Variants in KLF7 observed in about 807,000 individuals in gnomAD.
The protein encoded by KLF7 is Krueppel-like factor 7.
KLF7 carries 2 observed loss-of-function variants against 27.3 expected under a neutral mutation model. The observed-to-expected ratio is 0.07, with a 90% CI of 0.03 to 0.23. The LOEUF (loss-of-function observed/expected upper bound fraction) is 0.23, where lower values mean the gene tolerates loss of function less well. Ranked by LOEUF, KLF7 falls within the 10% of genes least tolerant of loss-of-function variation. The pLI is 1.00. For synonymous variants in KLF7, 165 were observed against 162.4 expected (o/e 1.02, Z -0.12); for missense variants, 221 against 394.1 (o/e 0.56, Z 3.72).
At chr2:207,090,120 T>C (rs2076477778) in intron 2 of KLF7, among the ~76,000 whole-genome samples, 1 of 152,174 alleles carries the variant, frequency 6.6e-6, no homozygotes, top group Non-Finnish European at 1.5e-5. Context: ...GCCACTGCTC[T>C]GTAAGACCCA....
chr2:207,150,471 G>T (rs1283717507), intron 1 of KLF7, among the ~76,000 whole-genome samples: 1 of 152,046 alleles, frequency 6.6e-6, no homozygotes, highest in African/African-American at 2.4e-5. Context: ...CCAACAAGAA[G>T]CGATAGTTTA....
At chr2:207,158,491 A>T (rs1261006973) in intron 1 of KLF7, among the ~76,000 whole-genome samples, 1 of 152,212 alleles carries the variant, frequency 6.6e-6, no homozygotes, top group Non-Finnish European at 1.5e-5. Context: ...TGCCAGAAAC[A>T]AAGCAATTTC....
intron 1 of KLF7, among the ~76,000 whole-genome samples, chr2:207,159,478 A>T (rs1192707572): frequency 6.6e-6 from 1 of 152,134 alleles, no homozygotes; most frequent in Non-Finnish European, 1.5e-5. Context: ...GTTTAACTTA[A>T]TTTTGAACAT....
intron 1 of KLF7, among the ~76,000 whole-genome samples, chr2:207,133,702 CA>C (rs911265671): frequency 2.6e-5 from 4 of 152,188 alleles, no homozygotes; most frequent in African/African-American, 4.8e-5. Context: ...CAGTTCAAGG[CA>C]CCAGCTGGCC....
upstream of KLF7, among the ~76,000 whole-genome samples, chr2:207,168,271 T>G (rs1468786757): frequency 1.3e-5 from 2 of 152,204 alleles, no homozygotes; most frequent in African/African-American, 4.8e-5. Context: ...TTAACGTGAG[T>G]TTGAAGATTT....
rs1021943882 is a variant in KLF7, at chr2:207,085,078, C to T, written c.857+3380G>A. Among the ~76,000 whole-genome samples, 3 of 147,912 alleles carry T rather than the reference C, an allele frequency of 2.0e-5. No homozygotes were observed. The Admixed American group carries it at 2.1e-4, about 10-fold the overall frequency. ...TTAGGAGGCTGAGGCAGGAGAATCG[C>T]CTGAACCCCGGAGGCAGAGGTTGCA... On this transcript the variant is annotated intron_variant, in intron 3 of 3. Coordinates refer to ENST00000309446, the MANE Select transcript of KLF7 (RefSeq NM_003709.4).
intron 2 of KLF7, among the ~76,000 whole-genome samples, chr2:207,107,364 C>T (rs1290012101): frequency 6.6e-6 from 1 of 152,162 alleles, no homozygotes; most frequent in Non-Finnish European, 1.5e-5. Flanking sequence ...AGTTCCCCCA[C>T]CCCAATCTTT....
chr2:207,150,526 T>C (rs1244621189), intron 1 of KLF7, among the ~76,000 whole-genome samples: 1 of 152,206 alleles, frequency 6.6e-6, no homozygotes, highest in Admixed American at 6.5e-5. Context: ...AGAAAACAAT[T>C]ACACCGTACA....
chr2:207,118,911 C>G (rs746877512), intron 2 of KLF7, among the ~76,000 whole-genome samples: 1 of 152,084 alleles, frequency 6.6e-6, no homozygotes, highest in East Asian at 1.9e-4. Context: ...TTTTAGCCAC[C>G]TTTTCATTTG....
At chr2:207,089,544 T>C (rs566166493) in intron 2 of KLF7, among the ~76,000 whole-genome samples, 4 of 152,056 alleles carry the variant, frequency 2.6e-5, no homozygotes, top group South Asian at 4.2e-4. Flanking sequence ...AAAAGAAAAA[T>C]AATCTTTGGA....
intron 2 of KLF7, among the ~76,000 whole-genome samples, chr2:207,096,961 C>T (rs1221325773): frequency 6.6e-6 from 1 of 152,172 alleles, no homozygotes; most frequent in Non-Finnish European, 1.5e-5. Flanking sequence ...CCCTAAAGGG[C>T]TTGTTTAAAA....
At chr2:207,122,567 G>A (rs559997631) in intron 2 of KLF7, among the ~76,000 whole-genome samples, 13 of 152,250 alleles carry the variant, frequency 8.5e-5, no homozygotes, top group African/African-American at 3.1e-4. Flanking sequence ...TGGAAAATGA[G>A]GCCTGGTGAG....
chr2:207,098,173 CTTTT>C (rs1382391717), intron 2 of KLF7, among the ~76,000 whole-genome samples: 1 of 151,776 alleles, frequency 6.6e-6, no homozygotes, highest in African/African-American at 2.4e-5. Context: ...TGTTTTTGTT[CTTTT>C]TGTTTTTCAA....
At position 207,076,322 on chromosome 2, in the gene KLF7, G is replaced by A. The variant is rs2105830249; in HGVS notation, c.*4891C>T. The A allele has an allele frequency of 6.6e-6, 1 of 152,240 alleles. No homozygotes were observed. Among genetic ancestry groups the A allele is most frequent in the Non-Finnish European group, 1.5e-5 (1 of 68,012 alleles). 9.4% of individuals were successfully genotyped at this position (152,240 alleles called of 1,614,324 possible). ...CAACCTTCCCTCATGACCACTGAGAGGGAGCCCTGTTTGAAAAGAATATCT... is the reference window on the plus strand; with the variant it reads ...CAACCTTCCCTCATGACCACTGAGAAGGAGCCCTGTTTGAAAAGAATATCT... On this transcript the variant is annotated 3_prime_UTR_variant, in exon 4 of 4. Transcript: ENST00000309446.
rs2078685844 is a variant in KLF7 at position 207,165,685 on chromosome 2, T to C, written c.-117A>G. The C allele has an allele frequency of 7.9e-6, 12 of 1,516,084 alleles. No homozygotes were observed. Among genetic ancestry groups the C allele is most frequent in the Non-Finnish European group, 1.1e-5 (12 of 1,135,362 alleles). 93.9% of individuals were successfully genotyped at this position (1,516,084 alleles called of 1,614,324 possible). A position where few individuals can be genotyped will look rare whatever the true frequency, so the allele number is the denominator to read the frequency against. On this transcript the variant is annotated 5_prime_UTR_variant, in exon 1 of 4. Coordinates refer to ENST00000309446, the MANE Select transcript of KLF7 (RefSeq NM_003709.4). ...GAAGGCAGACATCCAGTGGCCCTTTTGTTTTGTTTTGTTTCAGTCAACTAA... is the reference window on the plus strand; with the variant it reads ...GAAGGCAGACATCCAGTGGCCCTTTCGTTTTGTTTTGTTTCAGTCAACTAA...
chr2:207,133,749 G>A (rs111472597), intron 1 of KLF7, among the ~76,000 whole-genome samples: 6,871 of 152,144 alleles, frequency 0.045, 219 homozygotes, highest in Non-Finnish European at 0.056. Flanking sequence ...GGGGGAGGGG[G>A]GGAGCCATCA....
chr2:207,143,924 C>G (rs914032594), intron 1 of KLF7, among the ~76,000 whole-genome samples: 2 of 152,140 alleles, frequency 1.3e-5, no homozygotes, highest in African/African-American at 4.8e-5. Flanking sequence ...GACTGAGAGG[C>G]TCACAAAACC....
intron 3 of KLF7, among the ~76,000 whole-genome samples, chr2:207,087,461 G>A (rs1186964228): frequency 6.6e-6 from 1 of 152,098 alleles, no homozygotes; most frequent in Non-Finnish European, 1.5e-5. Context: ...TGGGACACAG[G>A]GACTGGGGGA....
intron 1 of KLF7, among the ~76,000 whole-genome samples, chr2:207,131,789 G>T (rs931309805): frequency 6.6e-6 from 1 of 152,206 alleles, no homozygotes; most frequent in Non-Finnish European, 1.5e-5. Flanking sequence ...TGGCCAGGGA[G>T]ATCTGGTACA....
Sources: allele counts gnomAD v4.1 joint callset (sites outside exome capture counted in the v4.1 genomes callset), GRCh38; gene constraint gnomAD v4.1.1; transcripts MANE v1.5; gene names NCBI Gene and HGNC (gene_info 2026-07-23, HGNC 2026-07-21).